GLRA3: variants seen among roughly 807,000 people sequenced by gnomAD.
The protein encoded by GLRA3 is glycine receptor alpha 3.
GLRA3 carries 44 observed loss-of-function variants against 60.4 expected under a neutral mutation model. The ratio of observed to expected loss-of-function variants is 0.73; its 90% confidence interval spans 0.57 to 0.94. The LOEUF (loss-of-function observed/expected upper bound fraction) is 0.94, where lower values mean the gene tolerates loss of function less well. Among genes scored for constraint, GLRA3 ranks in the 40% least tolerant of loss-of-function variants. GLRA3 has a pLI of 0.00. For synonymous variants in GLRA3, 223 were observed against 192.9 expected (o/e 1.16, Z -1.29); for missense variants, 508 against 564.6 (o/e 0.90, Z 1.02).
intron 3 of GLRA3, among the ~76,000 whole-genome samples, chr4:174,755,287 T>C (rs542393509): frequency 6.6e-6 from 1 of 152,238 alleles, no homozygotes; most frequent in South Asian, 2.1e-4. Flanking sequence ...TCGCTAGCTG[T>C]TAATGATACA....
chr4:174,756,936 G>A (rs1737739900), intron 3 of GLRA3, among the ~76,000 whole-genome samples: 2 of 152,166 alleles, frequency 1.3e-5, no homozygotes, highest in African/African-American at 4.8e-5. Flanking sequence ...GTGAGCCCCC[G>A]CGCCCGGCCA....
At chr4:174,716,347 A>G (rs949454031) in intron 4 of GLRA3, among the ~76,000 whole-genome samples, 1 of 152,174 alleles carries the variant, frequency 6.6e-6, no homozygotes, top group African/African-American at 2.4e-5. Context: ...TATTCCGCTC[A>G]TTGGAAAGGC....
At chr4:174,815,703 T>A (rs1740468682) in intron 1 of GLRA3, among the ~76,000 whole-genome samples, 1 of 152,118 alleles carries the variant, frequency 6.6e-6, no homozygotes, top group Admixed American at 6.5e-5. Context: ...ATGGCTGGAA[T>A]TGTTGGGATG....
intron 9 of GLRA3, among the ~76,000 whole-genome samples, chr4:174,649,807 G>T (rs1732961969): frequency 6.7e-6 from 1 of 150,204 alleles, no homozygotes; most frequent in Admixed American, 6.6e-5. Context: ...TGATAGACTT[G>T]ACTGATGCTT....
At position 174,721,718 on chromosome 4, in the gene GLRA3, A is replaced by G. The variant is rs530746755; in HGVS notation, c.492-6148T>C. Among the ~76,000 whole-genome samples the G allele has an allele frequency of 2.0e-5, 3 of 151,568 alleles. No individual in the cohort carries two copies. In the South Asian group the frequency reaches 6.3e-4, roughly 32 times the overall value. The stretch of plus-strand genomic sequence containing the variant: ...ATACATATATATCTATATATCTAAG[A>G]CAGATATAAATGCCATATAACTAAG... On this transcript the variant is annotated intron_variant, in intron 4 of 9. Coordinates refer to ENST00000274093, the MANE Select transcript of GLRA3 (RefSeq NM_006529.4).
In GLRA3 at chr4:174,829,034, C is replaced by A; in HGVS notation, c.-223G>T. Reference sequence around the variant, plus strand: ...GTTATAAATGTGCAGGTGATTTTTACAGTGAAATTACAAAAATGAGTGAGA... The same window carrying A: ...GTTATAAATGTGCAGGTGATTTTTAAAGTGAAATTACAAAAATGAGTGAGA... On this transcript the variant is annotated 5_prime_UTR_variant, in exon 1 of 10. Coordinates refer to ENST00000274093, the MANE Select transcript of GLRA3 (RefSeq NM_006529.4). The A allele has an allele frequency of 4.2e-6, 2 of 477,028 alleles. No individual in the cohort carries two copies. Among genetic ancestry groups the A allele is most frequent in the East Asian group, 7.0e-5 (2 of 28,710 alleles). The allele number at this position is 477,028 out of a possible 1,614,324, so 29.5% of individuals were successfully genotyped here. A position where few individuals can be genotyped will look rare whatever the true frequency, so the allele number is the denominator to read the frequency against.
chr4:174,686,230 A>G (rs1472998533), intron 5 of GLRA3, among the ~76,000 whole-genome samples: 11 of 152,244 alleles, frequency 7.2e-5, no homozygotes, highest in African/African-American at 2.7e-4. Flanking sequence ...ATATTGTCTT[A>G]ATAAACTCTC....
Position 174,790,825 on chromosome 4 carries a change from CAAAAAAAAAA to C in GLRA3, c.72-1892_72-1883del, listed in dbSNP as rs751090125. Among the ~76,000 whole-genome samples, 4 of 65,104 alleles carry C rather than the reference CAAAAAAAAAA, an allele frequency of 6.1e-5. No homozygotes were observed. In the South Asian group the frequency reaches 2.8e-3, roughly 45 times the overall value. 42.7% of individuals were successfully genotyped at this position (65,104 alleles called of 152,430 possible). On this transcript the variant is annotated intron_variant, in intron 1 of 9. Coordinates refer to ENST00000274093, the MANE Select transcript of GLRA3 (RefSeq NM_006529.4). ...GAAACCGGGTCTCTACTAAAAAATA[CAAAAAAAAAA>C]AAAAAAAAAAAGAAAGAAATTAGCC...
chr4:174,682,525 G>C (rs1191985830), intron 6 of GLRA3, among the ~76,000 whole-genome samples: 1 of 152,076 alleles, frequency 6.6e-6, no homozygotes, highest in Non-Finnish European at 1.5e-5. Flanking sequence ...TAAAGGAATA[G>C]TTTTGGAAAC....
At chr4:174,724,762 T>A (rs977119806) in intron 4 of GLRA3, among the ~76,000 whole-genome samples, 6 of 152,214 alleles carry the variant, frequency 3.9e-5, no homozygotes, top group Non-Finnish European at 8.8e-5. Flanking sequence ...ATTTCCCCTT[T>A]ATTCCCGAAG....
At chr4:174,779,542 G>C (rs1738777639) in intron 2 of GLRA3, among the ~76,000 whole-genome samples, 1 of 152,014 alleles carries the variant, frequency 6.6e-6, no homozygotes, top group East Asian at 1.9e-4. Flanking sequence ...TCAAACCAAA[G>C]GCAAAGAAGT....
At chr4:174,745,713 G>C (rs374809330) in intron 3 of GLRA3, among the ~76,000 whole-genome samples, 12 of 151,822 alleles carry the variant, frequency 7.9e-5, no homozygotes, top group African/African-American at 2.9e-4. Context: ...TGCAGAATGG[G>C]AGAAAATATT....
chr4:174,673,571 G>A (rs142203607), intron 7 of GLRA3, among the ~76,000 whole-genome samples: 434 of 152,146 alleles, frequency 2.9e-3, no homozygotes, highest in African/African-American at 9.7e-3. Flanking sequence ...GGATAGCCCC[G>A]GGAGGGGAAC....
chr4:174,777,469 T>C (rs1456611000), intron 2 of GLRA3, among the ~76,000 whole-genome samples: 1 of 152,152 alleles, frequency 6.6e-6, no homozygotes, highest in African/African-American at 2.4e-5. Flanking sequence ...ATTCTAATTA[T>C]ATGACATCCT....
intron 1 of GLRA3, among the ~76,000 whole-genome samples, chr4:174,802,017 A>G (rs528959051): frequency 8.6e-5 from 13 of 151,098 alleles, no homozygotes; most frequent in Non-Finnish European, 1.2e-4. Flanking sequence ...TTTTTGAAAT[A>G]AATATTTCAA....
chr4:174,708,977 G>A (rs1735614503), intron 5 of GLRA3, among the ~76,000 whole-genome samples: 1 of 151,540 alleles, frequency 6.6e-6, no homozygotes, highest in Non-Finnish European at 1.5e-5. Context: ...CTTAATATAG[G>A]TAGTTGTACC....
chr4:174,715,637 A>G (rs1250668548), intron 4 of GLRA3, 67 bp from the exon 5 acceptor site: 1 of 727,116 alleles, frequency 1.4e-6, no homozygotes, highest in Non-Finnish European at 2.3e-6. Context: ...ATTGTACAGG[A>G]GAAACAATGT....
intron 5 of GLRA3, among the ~76,000 whole-genome samples, chr4:174,688,344 T>TGA (rs1734636086): frequency 7.5e-6 from 1 of 134,114 alleles, no homozygotes; most frequent in Non-Finnish European, 1.6e-5. Flanking sequence ...TATATATATA[T>TGA]ATATATATAT....
chr4:174,684,558 A>G (rs557492063), intron 5 of GLRA3, among the ~76,000 whole-genome samples: 15 of 152,344 alleles, frequency 9.8e-5, no homozygotes, highest in Non-Finnish European at 1.8e-4. Context: ...ATTGAAATGT[A>G]TGTTTAAAGA....
Sources: gnomAD v4.1 joint callset for allele counts (sites outside exome capture counted in the v4.1 genomes callset) on GRCh38, gnomAD v4.1.1 for gene constraint, MANE v1.5 for transcripts, NCBI Gene and HGNC (gene_info 2026-07-23, HGNC 2026-07-21) for gene names.